Variants in TNC observed in about 807,000 individuals in gnomAD.
TNC encodes tenascin C, also known as tenascin.
TNC carries 109 observed loss-of-function variants against 202.4 expected under a neutral mutation model. That is an observed-to-expected ratio of 0.54 (90% CI 0.46 to 0.63). The LOEUF is 0.63. Among genes scored for constraint, TNC ranks in the 30% least tolerant of loss-of-function variants. The probability of loss-of-function intolerance (pLI) is 0.00; values close to 1 mark genes in which losing one functional copy is unlikely to be tolerated. For missense variants in TNC, 2,756 were observed against 2,833.3 expected (o/e 0.97, Z 0.62); for synonymous variants, 1,007 against 1,089.7 (o/e 0.92, Z 1.50).
chr9:115,047,240 C>CTTTTTTTTTTTTTTTTTTTTTATTTT (rs397975455), intron 16 of TNC, among the ~76,000 whole-genome samples: 1 of 107,232 alleles, frequency 9.3e-6, no homozygotes, highest in Non-Finnish European at 1.9e-5. Context: ...CTACCCTTGA[C>CTTTTTTTTTTTTTTTTTTTTTATTTT]TTTTTTTTTT....
intron 10 of TNC, among the ~76,000 whole-genome samples, chr9:115,069,604 C>T (rs1833218248): frequency 4.6e-5 from 1 of 21,958 alleles, no homozygotes; most frequent in African/African-American, 2.1e-4. Context: ...CCCTTCCTCC[C>T]TCCCTCCCTC....
intron 24 of TNC, 41 bp downstream of exon 24, chr9:115,030,213 C>T (rs778879493): frequency 6.4e-7 from 1 of 1,559,872 alleles, no homozygotes; most frequent in Non-Finnish European, 8.7e-7. Flanking sequence ...TCTCCCTCTT[C>T]CCCTAGGCCT....
intron 14 of TNC, among the ~76,000 whole-genome samples, chr9:115,058,778 C>A (rs1175455901): frequency 6.6e-6 from 1 of 152,210 alleles, no homozygotes; most frequent in East Asian, 1.9e-4. Context: ...GCGATAGTCT[C>A]TACCGAGCTT....
In TNC at chr9:115,064,903, C is replaced by T; in HGVS notation, c.3231G>A (p.Leu1077=). 6 of 1,614,060 alleles carry T rather than the reference C, an allele frequency of 3.7e-6. No homozygotes were observed. Among genetic ancestry groups the T allele is most frequent in the Non-Finnish European group, 4.2e-6 (5 of 1,179,976 alleles). ...CAACCTCAGTCACGGTGAGGTTTTC[C>T]AGCTCAGGGGCTTGTTCTGAATAAT... ...VKASTEQAPE[L]ENLTVTEVGW... The change falls in exon 11 of 28, where the codon CTG becomes CTA. Residue 1077 remains leucine (L), a synonymous_variant. Transcript: ENST00000350763.
intron 20 of TNC, among the ~76,000 whole-genome samples, chr9:115,037,678 C>T (rs1226770284): frequency 6.6e-6 from 1 of 152,112 alleles, no homozygotes; most frequent in Non-Finnish European, 1.5e-5. Context: ...CAGGCATGCA[C>T]CACTATGCCC....
At chr9:115,067,877 T>A (rs1256735233) in intron 10 of TNC, among the ~76,000 whole-genome samples, 2 of 152,072 alleles carry the variant, frequency 1.3e-5, no homozygotes, top group African/African-American at 4.8e-5. Context: ...AGCATTGGTT[T>A]ATAACTCAGA....
At chr9:115,113,967 C>T (rs1048543406) in intron 1 of TNC, among the ~76,000 whole-genome samples, 1 of 152,154 alleles carries the variant, frequency 6.6e-6, no homozygotes, top group African/African-American at 2.4e-5. Context: ...TGAAAAATGT[C>T]TGGCCACCAG....
intron 1 of TNC, among the ~76,000 whole-genome samples, chr9:115,103,837 C>T (rs760292747): frequency 3.3e-5 from 5 of 152,188 alleles, no homozygotes; most frequent in Non-Finnish European, 5.9e-5. Context: ...GCCCCTTGAA[C>T]AGAAGTTCCA....
chr9:115,040,982 C>T lies in TNC; in HGVS notation c.5351G>A (p.Gly1784Asp), dbSNP rs142378274. The T allele has an allele frequency of 1.1e-4, 171 of 1,613,912 alleles. No individual in the cohort carries two copies. Among genetic ancestry groups the T allele is most frequent in the Admixed American group, 1.5e-4 (9 of 59,976 alleles). ...TGAGACAGGTTCACTTTCCTCAAAG[C>T]CCTTCATGGCGATGATGCTGACAAG... is the stretch of plus-strand genomic sequence containing the variant. ...EYLVSIIAMKGFEESEPVSGS... is the reference protein window; with the variant it reads ...EYLVSIIAMKDFEESEPVSGS... The change falls in exon 19 of 28, where the codon GGC becomes GAC. Residue 1784 changes from glycine to aspartate, a missense_variant. By Grantham distance (94) the Gly-to-Asp change is moderately conservative. Coordinates refer to ENST00000350763, the MANE Select transcript of TNC (RefSeq NM_002160.4).
chr9:115,024,209 C>T (rs1362206227), intron 26 of TNC, 73 bp from the exon 27 acceptor site: 13 of 1,504,534 alleles, frequency 8.6e-6, no homozygotes, highest in Admixed American at 1.7e-5. Context: ...AAGGGCAGAA[C>T]CAGAGGTGAC....
chr9:115,023,382 G>A (rs958524102), intron 27 of TNC, among the ~76,000 whole-genome samples: 4 of 152,254 alleles, frequency 2.6e-5, no homozygotes, highest in African/African-American at 9.6e-5. Context: ...TGATCCGTTC[G>A]CCTATTTCTA....
At chr9:115,037,528 T>TA (rs551021383) in intron 20 of TNC, among the ~76,000 whole-genome samples, 22 of 152,124 alleles carry the variant, frequency 1.4e-4, no homozygotes, top group Admixed American at 5.2e-4. Context: ...TTTATTTATT[T>TA]TTTATTTTTA....
At chr9:115,065,620 T>G (rs570461097) in intron 10 of TNC, among the ~76,000 whole-genome samples, 1 of 152,156 alleles carries the variant, frequency 6.6e-6, no homozygotes, top group East Asian at 1.9e-4. Flanking sequence ...ACCTTCTGTA[T>G]TTTGAGACAA....
intron 9 of TNC, among the ~76,000 whole-genome samples, chr9:115,074,242 T>A (rs1264878531): frequency 6.6e-6 from 1 of 152,250 alleles, no homozygotes; most frequent in East Asian, 1.9e-4. Flanking sequence ...GCTGTATTGC[T>A]ATGCACTGAA....
chr9:115,108,420 CAG>C (rs1836779107), intron 1 of TNC, among the ~76,000 whole-genome samples: 1 of 152,312 alleles, frequency 6.6e-6, no homozygotes, highest in Middle Eastern at 3.4e-3. Context: ...TAACCACACT[CAG>C]AATGAAATTC....
chr9:115,115,381 T>A (rs1837386773), intron 1 of TNC, among the ~76,000 whole-genome samples: 1 of 152,194 alleles, frequency 6.6e-6, no homozygotes, highest in Admixed American at 6.5e-5. Context: ...GACTTGGTGA[T>A]CACGGGGACC....
At chr9:115,116,278 C>G (rs886690621) in intron 1 of TNC, among the ~76,000 whole-genome samples, 2 of 152,196 alleles carry the variant, frequency 1.3e-5, no homozygotes, top group African/African-American at 4.8e-5. Flanking sequence ...ACATCCCTTT[C>G]AATCCTTGTC....
chr9:115,084,332 C>T lies in TNC; in HGVS notation c.2008G>A (p.Val670Met), dbSNP rs1331170802. 2 of 1,614,208 alleles carry T rather than the reference C, an allele frequency of 1.2e-6. No individual in the cohort carries two copies. Among genetic ancestry groups the T allele is most frequent in the South Asian group, 1.1e-5 (1 of 91,084 alleles). The change falls in exon 4 of 28, where the codon GTG (valine) becomes ATG (methionine). Residue 670 changes from valine to methionine, a missense_variant. Around this residue, in one of 2 missense-constraint regions of TNC, gnomAD observed 2,559 missense variants for 2,546.0 expected, o/e 1.01. Transcript: ENST00000350763. Reference protein sequence around the residue: ...HEGGLEMQFRVPGDQTSTIIQ... With the variant: ...HEGGLEMQFRMPGDQTSTIIQ... ...ATGGTGGACGTCTGGTCCCCAGGCA[C>T]ACGGAACTGCATTTCCAGACCACCC...
chr9:115,107,742 T>C (rs1836726692), intron 1 of TNC, among the ~76,000 whole-genome samples: 1 of 152,220 alleles, frequency 6.6e-6, no homozygotes, highest in South Asian at 2.1e-4. Flanking sequence ...GGAATTTTCT[T>C]AGTTCAGATA....
Sources: allele counts gnomAD v4.1 joint callset (sites outside exome capture counted in the v4.1 genomes callset), GRCh38; gene constraint gnomAD v4.1.1; regional missense constraint gnomAD v4.1.1; transcripts MANE v1.5; gene names NCBI Gene and HGNC (gene_info 2026-07-23, HGNC 2026-07-21).